Variants in APOBEC3D observed in about 807,000 individuals in gnomAD.
APOBEC3D encodes the protein DNA dC->dU-editing enzyme APOBEC-3D.
APOBEC3D carries 37 observed loss-of-function variants against 45.6 expected under a neutral mutation model. The observed-to-expected ratio is 0.81, with a 90% CI of 0.62 to 1.07. APOBEC3D has a LOEUF of 1.07. APOBEC3D is among the 50% of genes least tolerant of loss of function. APOBEC3D has a pLI of 0.00. For missense variants in APOBEC3D, 496 were observed against 495.3 expected (o/e 1.00, Z -0.01); for synonymous variants, 175 against 180.7 (o/e 0.97, Z 0.25).
At chr22:39,031,650 T>C in intron 5 of APOBEC3D, 44 bp from the exon 6 acceptor site, 2 of 1,607,456 alleles carry the variant, frequency 1.2e-6, no homozygotes, top group South Asian at 1.1e-5. Context: ...CTCCTCCTGC[T>C]CCTGGTCTGA....
intron 5 of APOBEC3D, among the ~76,000 whole-genome samples, chr22:39,031,098 A>G (rs993696382): frequency 5.3e-5 from 8 of 152,142 alleles, no homozygotes; most frequent in African/African-American, 1.9e-4. Flanking sequence ...CCCAAGGGGC[A>G]GAAGTTGTGG....
chr22:39,021,604 A>C, intron 1 of APOBEC3D, 68 bp downstream of exon 1: 2 of 1,607,344 alleles, frequency 1.2e-6, no homozygotes, highest in Non-Finnish European at 1.7e-6. Context: ...GCTGGGCCTC[A>C]GCCCTGGCCT....
chr22:39,027,566 AG>A (rs1420476091), intron 4 of APOBEC3D, among the ~76,000 whole-genome samples: 6 of 152,284 alleles, frequency 3.9e-5, no homozygotes, highest in East Asian at 3.9e-4. Context: ...CCTGGACGAT[AG>A]AAATAGAACC....
At position 39,032,600 on chromosome 22, in the gene APOBEC3D, T is replaced by C; in HGVS notation, c.*284T>C. 1.8e-6 allele frequency: 2 copies of C among 1,111,638 alleles called. No homozygotes were observed. The highest frequency in any genetic ancestry group is 9.1e-5 in the Admixed American group (2 of 21,958). 68.9% of individuals were successfully genotyped at this position (1,111,638 alleles called of 1,614,324 possible). ...CAGCATAACCAAATCTTTTTTTTTT[T>C]TTTTTTTTTTTGAGACGGAGTTTCA... On this transcript the variant is annotated 3_prime_UTR_variant, in exon 7 of 7. Coordinates refer to ENST00000216099, the MANE Select transcript of APOBEC3D (RefSeq NM_152426.4).
At chr22:39,025,024 C>CCGG in intron 2 of APOBEC3D, 46 bp from the exon 3 acceptor site, 1 of 1,417,348 alleles carries the variant, frequency 7.1e-7, no homozygotes, top group Non-Finnish European at 9.5e-7. Context: ...CGCACCCCTC[C>CCGG]TGTTCCCCCG....
chr22:39,026,835 C>A (rs1925721697), intron 4 of APOBEC3D, among the ~76,000 whole-genome samples: 2 of 152,032 alleles, frequency 1.3e-5, no homozygotes, highest in African/African-American at 4.8e-5. Flanking sequence ...TCACTGCAAC[C>A]TCTGCCTCCC....
intron 5 of APOBEC3D, among the ~76,000 whole-genome samples, chr22:39,030,327 C>T: frequency 7.5e-6 from 1 of 132,608 alleles, no homozygotes; most frequent in Non-Finnish European, 1.6e-5. Flanking sequence ...GAGATTTTTT[C>T]AGAGTGTGTT....
chr22:39,028,715 C>G (rs1389848262), intron 4 of APOBEC3D, among the ~76,000 whole-genome samples: 13 of 152,156 alleles, frequency 8.5e-5, no homozygotes, highest in Non-Finnish European at 1.9e-4. Context: ...GTGGGTGGAT[C>G]ACAAGGTCAG....
intron 4 of APOBEC3D, 127 bp from the exon 5 acceptor site, chr22:39,029,236 A>G: frequency 1.8e-6 from 2 of 1,082,878 alleles, no homozygotes; most frequent in Non-Finnish European, 2.7e-6. Flanking sequence ...CTGGGAAAGC[A>G]GCAGACATTC....
rs137912550 is a variant in APOBEC3D, at chr22:39,032,299, C to A, written c.1144C>A (p.Arg382=). The A allele has an allele frequency of 1.5e-5, 24 of 1,614,150 alleles. No homozygotes were observed. The highest frequency in any genetic ancestry group is 2.0e-5 in the Non-Finnish European group (24 of 1,180,010). The change falls in exon 7 of 7, where the codon CGG becomes AGG. Residue 382 remains arginine (R), a synonymous_variant. Coordinates refer to ENST00000216099, the MANE Select transcript of APOBEC3D (RefSeq NM_152426.4). ...CTTTCGACTTCTGAAAAGAAGGCTA[C>A]GGGAGATTCTCCAGTGAGGGGTCTC... The part of the protein sequence containing the change: ...TNFRLLKRRL[R]EILQ
At position 39,029,349 on chromosome 22, in the gene APOBEC3D, T is replaced by C; in HGVS notation, c.606-14T>C. On this transcript the variant is annotated splice_polypyrimidine_tract_variant and intron_variant, in intron 4 of 6. Transcript: ENST00000216099. ...AGGAATCTCTGCACTGGGGTTTCTC[T>C]CTTGTGCCCTCAGAAACCCGATGGA... 1 of 1,614,020 alleles carries C rather than the reference T, an allele frequency of 6.2e-7. No individual in the cohort carries two copies. The highest frequency in any genetic ancestry group is 8.5e-7 in the Non-Finnish European group (1 of 1,179,898).
chr22:39,022,960 A>G lies in APOBEC3D; in HGVS notation c.156A>G (p.Thr52=), dbSNP rs1925267343. 1 of 1,613,812 alleles carries G rather than the reference A, an allele frequency of 6.2e-7. No individual in the cohort carries two copies. The change falls in exon 2 of 7, where the codon ACA becomes ACG. Residue 52 remains threonine (T), a synonymous_variant. Coordinates refer to ENST00000216099, the MANE Select transcript of APOBEC3D (RefSeq NM_152426.4). ...KRGRSNLLWD[T]GVFRGPVLPK... is the part of the protein sequence containing the mutation. Reference sequence around the variant, plus strand: ...GCCGCTCAAATCTCCTTTGGGACACAGGGGTCTTTCGAGGCCCGGTACTAC... The same window carrying G: ...GCCGCTCAAATCTCCTTTGGGACACGGGGGTCTTTCGAGGCCCGGTACTAC...
chr22:39,033,203 C>T lies in APOBEC3D; in HGVS notation c.*887C>T, dbSNP rs1423551106. 6.4e-6 allele frequency: 6 copies of T among 942,516 alleles called. No homozygotes were observed. The highest frequency in any genetic ancestry group is 3.8e-6 in the Non-Finnish European group (3 of 791,080). The allele number at this position is 942,516 out of a possible 1,614,324, so 58.4% of individuals were successfully genotyped here. On this transcript the variant is annotated 3_prime_UTR_variant, in exon 7 of 7. Transcript: ENST00000216099. ...CAGAACTCCAGTTTGAGCAACAGAT[C>T]AAGACCCTGCCTGAAAATAAATCAA...
chr22:39,024,060 C>G (rs1925392181), intron 2 of APOBEC3D, among the ~76,000 whole-genome samples: 2 of 152,190 alleles, frequency 1.3e-5, no homozygotes, highest in South Asian at 2.1e-4. Flanking sequence ...ACAAGTGTTT[C>G]CAGTCCCCAC....
At position 39,033,253 on chromosome 22, in the gene APOBEC3D, A is replaced by G. The variant is rs1926409255; in HGVS notation, c.*937A>G. On this transcript the variant is annotated 3_prime_UTR_variant, in exon 7 of 7. Transcript: ENST00000216099. ...ATAAATACACTCAACCTAAATGGAT[A>G]TGAATATATGTAAGTTGAAAACCAG... The G allele has an allele frequency of 1.0e-6, 1 of 977,992 alleles. No individual in the cohort carries two copies. The highest frequency in any genetic ancestry group is 1.2e-6 in the Non-Finnish European group (1 of 823,272). The allele number at this position is 977,992 out of a possible 1,614,324, so 60.6% of individuals were successfully genotyped here.
At chr22:39,027,048 G>A (rs917595855) in intron 4 of APOBEC3D, among the ~76,000 whole-genome samples, 2 of 152,156 alleles carry the variant, frequency 1.3e-5, no homozygotes, top group Admixed American at 6.6e-5. Context: ...CAACAGAAAA[G>A]GGCAACCAGG....
intron 4 of APOBEC3D, among the ~76,000 whole-genome samples, chr22:39,026,177 G>A (rs920423493): frequency 6.6e-6 from 1 of 152,162 alleles, no homozygotes; most frequent in Non-Finnish European, 1.5e-5. Context: ...TTTTCTCACA[G>A]ATCTGGAGGC....
At chr22:39,028,676 C>T (rs1569059075) in intron 4 of APOBEC3D, among the ~76,000 whole-genome samples, 1 of 152,164 alleles carries the variant, frequency 6.6e-6, no homozygotes, top group Non-Finnish European at 1.5e-5. Flanking sequence ...TGGCTCACAC[C>T]GGTAATCCCA....
chr22:39,029,601 C>G, intron 5 of APOBEC3D, 82 bp downstream of exon 5: 1 of 1,528,442 alleles, frequency 6.5e-7, no homozygotes, highest in Non-Finnish European at 9.0e-7. Context: ...ACGTGCCCCG[C>G]GTGGGCTCTG....
Sources: gnomAD v4.1 joint callset for allele counts (sites outside exome capture counted in the v4.1 genomes callset) on GRCh38, gnomAD v4.1.1 for gene constraint, MANE v1.5 for transcripts, NCBI Gene and HGNC (gene_info 2026-07-23, HGNC 2026-07-21) for gene names.